The following SRPRA variants were observed in gnomAD, a reference collection of about 807,000 sequenced individuals.
SRPRA encodes signal recognition particle receptor subunit alpha.
Under a neutral mutation model 61.1 loss-of-function variants are expected in SRPRA, and 30 were observed. The ratio of observed to expected loss-of-function variants is 0.49; its 90% CI spans 0.37 to 0.67. The LOEUF is 0.67. Ranked by LOEUF, SRPRA falls within the 30% of genes least tolerant of loss-of-function variation. The pLI, the probability that SRPRA is intolerant of heterozygous loss-of-function variation, is 0.00. For missense variants in SRPRA, 759 were observed against 828.4 expected (o/e 0.92, Z 1.03); for synonymous variants, 324 against 299.7 (o/e 1.08, Z -0.84).
At chr11:126,254,696 G>A in the SRPRA span, among the ~76,000 whole-genome samples, 1 of 152,172 alleles carries the variant, frequency 6.6e-6, no homozygotes, top group Non-Finnish European at 1.5e-5. Context: ...TAGGCATCAT[G>A]GTGCATGCTG....
chr11:126,237,431 T>TTTCA, the SRPRA span, among the ~76,000 whole-genome samples: 1 of 145,512 alleles, frequency 6.9e-6, no homozygotes, highest in Non-Finnish European at 1.5e-5. Flanking sequence ...AAAGACAGGT[T>TTTCA]TTCACCATGT....
At chr11:126,244,273 A>G in the SRPRA span, among the ~76,000 whole-genome samples, 1 of 152,196 alleles carries the variant, frequency 6.6e-6, no homozygotes, top group African/African-American at 2.4e-5. The surrounding 1 kb of genome is among the most constrained non-coding windows in gnomAD (Gnocchi z 4.5). Context: ...AAAGGAATCC[A>G]TATTGGAAAG....
chr11:126,249,332 TG>T, the SRPRA span, among the ~76,000 whole-genome samples: 3 of 152,242 alleles, frequency 2.0e-5, no homozygotes, highest in African/African-American at 7.2e-5. Context: ...TTTTGTATAC[TG>T]GATATTCTTC....
At position 126,268,846 on chromosome 11, in the gene SRPRA, A is replaced by G; in HGVS notation, c.-42T>C. The G allele has an allele frequency of 5.2e-6, 8 of 1,545,306 alleles. No homozygotes were observed. The highest frequency in any genetic ancestry group is 7.1e-6 in the Non-Finnish European group (8 of 1,120,040). On this transcript the variant is annotated 5_prime_UTR_variant, in exon 1 of 14. Coordinates refer to ENST00000332118, the MANE Select transcript of SRPRA (RefSeq NM_003139.4). ...GAGCTGGGGCCGGCGCCGGGAATTC[A>G]GGCCGCGTTCGCCGCCGCTTCCTGC...
In SRPRA at chr11:126,265,591, C is replaced by T. The variant is rs1047038428; in HGVS notation, c.1138+146G>A. The T allele has an allele frequency of 1.4e-5, 17 of 1,215,022 alleles. No homozygotes were observed. The highest frequency in any genetic ancestry group is 2.0e-5 in the Non-Finnish European group (17 of 859,282). 75.3% of individuals were successfully genotyped at this position (1,215,022 alleles called of 1,614,324 possible). A position where few individuals can be genotyped will look rare whatever the true frequency, so the allele number is the denominator to read the frequency against. On this transcript the variant is annotated intron_variant, in intron 9 of 13. Coordinates refer to ENST00000332118, the MANE Select transcript of SRPRA (RefSeq NM_003139.4). This position sits in a 1 kb window ranked among gnomAD's most constrained non-coding sequence, Gnocchi z 6.3. ...CAGACGCACATTACAAGGACTAACT[C>T]ACTGAATCCTCTCAATAACCCTTAA...
chr11:126,254,171 A>G, the SRPRA span: 1 of 1,078,356 alleles, frequency 9.3e-7, no homozygotes, highest in Non-Finnish European at 1.3e-6. Context: ...CAGGTTTTGC[A>G]TTCTTGTCCT....
the SRPRA span, chr11:126,256,816 C>A: frequency 1.9e-6 from 3 of 1,612,002 alleles, no homozygotes; most frequent in Non-Finnish European, 2.5e-6. The surrounding 1 kb of genome is among the most constrained non-coding windows in gnomAD (Gnocchi z 6.6). Flanking sequence ...ATATTTCAAG[C>A]GACTGACATG....
chr11:126,262,709 AC>A (rs1372670284), downstream of SRPRA: 1 of 152,586 alleles, frequency 6.6e-6, no homozygotes, highest in African/African-American at 2.4e-5. Flanking sequence ...GCATCAAGGT[AC>A]TAATAAGCTT....
the SRPRA span, among the ~76,000 whole-genome samples, chr11:126,257,068 T>C: frequency 3.9e-5 from 6 of 152,190 alleles, no homozygotes; most frequent in South Asian, 2.1e-4. Context: ...AATATAGACA[T>C]AGGAAGAATG....
the SRPRA span, among the ~76,000 whole-genome samples, chr11:126,238,605 C>A: frequency 6.6e-6 from 1 of 152,160 alleles, no homozygotes; most frequent in African/African-American, 2.4e-5. Flanking sequence ...TTAATCCCCA[C>A]CCTCAGCTGT....
At chr11:126,261,521 A>T (rs1440631779), downstream of SRPRA, 6 of 1,551,994 alleles carry the variant, frequency 3.9e-6, no homozygotes, top group Non-Finnish European at 5.3e-6. Flanking sequence ...ATCACTCTGT[A>T]GCAGAAAGTC....
rs755316277 is a variant in SRPRA, at chr11:126,267,126, C to T, written c.526+49G>A. ...GAAGGACCACCTCAGTCCTTAGCAC[C>T]GTGTTAACACCTTTCATGTCCCAGT... On this transcript the variant is annotated intron_variant, in intron 4 of 13. Coordinates refer to ENST00000332118, the MANE Select transcript of SRPRA (RefSeq NM_003139.4). This position sits in a 1 kb window ranked among gnomAD's most constrained non-coding sequence, Gnocchi z 4.2. The T allele has an allele frequency of 9.3e-6, 15 of 1,608,060 alleles. No homozygotes were observed. The highest frequency in any genetic ancestry group is 6.6e-5 in the South Asian group (6 of 90,440).
the SRPRA span, among the ~76,000 whole-genome samples, chr11:126,246,029 A>G: frequency 3.2e-4 from 48 of 151,882 alleles, no homozygotes; most frequent in African/African-American, 1.1e-3. Context: ...GAAAGAAAAG[A>G]GAACCCACAG....
At chr11:126,246,918 A>G in the SRPRA span, among the ~76,000 whole-genome samples, 2 of 152,118 alleles carry the variant, frequency 1.3e-5, no homozygotes, top group East Asian at 3.9e-4. Context: ...CTGGTGGCAA[A>G]TTTAGTTCTA....
chr11:126,264,671 T>A lies in SRPRA; in HGVS notation c.1526-132A>T. The A allele has an allele frequency of 9.1e-7, 1 of 1,098,270 alleles. No homozygotes were observed. The highest frequency in any genetic ancestry group is 1.3e-6 in the Non-Finnish European group (1 of 785,702). 68.0% of individuals were successfully genotyped at this position (1,098,270 alleles called of 1,614,324 possible). ...CTCTGGATTTGGTTCCAAGGTAATGTGAGAAAAACTTGATTATATGCTTGG... is the reference window on the plus strand; with the variant it reads ...CTCTGGATTTGGTTCCAAGGTAATGAGAGAAAAACTTGATTATATGCTTGG... On this transcript the variant is annotated intron_variant, in intron 11 of 13. Transcript: ENST00000332118. This position sits in a 1 kb window ranked among gnomAD's most constrained non-coding sequence, Gnocchi z 5.0.
In SRPRA at chr11:126,263,951, C is replaced by T; in HGVS notation, c.1882G>A (p.Ala628Thr). 6.2e-7 allele frequency: 1 copy of T among 1,614,226 alleles called. No homozygotes were observed. The highest frequency in any genetic ancestry group is 8.5e-7 in the Non-Finnish European group (1 of 1,180,044). ...ATGAGGGCAGCCACCACAGCCTTGG[C>T]ATTGAGGCTGCGTAGGTCACAGTAG... is the stretch of plus-strand genomic sequence containing the variant. ...QTYCDLRSLNAKAVVAALMKA is the reference protein window; with the variant it reads ...QTYCDLRSLNTKAVVAALMKA Residue 628 changes from alanine (A) to threonine (T), a missense_variant, in exon 14 of 14, where the codon GCC becomes ACC. Transcript: ENST00000332118.
Position 126,264,853 on chromosome 11 carries a change from A to G in SRPRA, c.1525+106T>C. The G allele has an allele frequency of 9.1e-7, 1 of 1,104,686 alleles. No individual in the cohort carries two copies. The highest frequency in any genetic ancestry group is 1.3e-6 in the Non-Finnish European group (1 of 788,684). The allele number at this position is 1,104,686 out of a possible 1,614,324, so 68.4% of individuals were successfully genotyped here. A position where few individuals can be genotyped will look rare whatever the true frequency, so the allele number is the denominator to read the frequency against. ...CTGATCTGACTTTTTACTGTAATTG[A>G]CCAACGAGTCTGTAGTAGCACAAGC... On this transcript the variant is annotated intron_variant, in intron 11 of 13. Coordinates refer to ENST00000332118, the MANE Select transcript of SRPRA (RefSeq NM_003139.4). The surrounding 1 kb of genome is among the most constrained non-coding windows in gnomAD (Gnocchi z 5.0).
At chr11:126,257,760 C>T in the SRPRA span, among the ~76,000 whole-genome samples, 13 of 152,052 alleles carry the variant, frequency 8.5e-5, no homozygotes, top group African/African-American at 2.9e-4. Context: ...AGAAAACTTA[C>T]TTTTAGAAAT....
At chr11:126,242,677 A>ATTT in the SRPRA span, among the ~76,000 whole-genome samples, 7 of 152,240 alleles carry the variant, frequency 4.6e-5, no homozygotes, top group Non-Finnish European at 8.8e-5. Context: ...AATCAAAACC[A>ATTT]CAACAAGGTG....
Sources: allele counts gnomAD v4.1 joint callset (sites outside exome capture counted in the v4.1 genomes callset), GRCh38; gene constraint gnomAD v4.1.1; non-coding constraint Gnocchi (gnomAD v3.1); transcripts MANE v1.5; gene names NCBI Gene and HGNC (gene_info 2026-07-23, HGNC 2026-07-21).